The following TNS3 variants were observed in gnomAD, a reference collection of about 807,000 sequenced individuals.
TNS3 encodes tensin 3.
Under a neutral mutation model 140.9 loss-of-function variants are expected in TNS3, and 45 were observed. The ratio of observed to expected loss-of-function variants is 0.32; its 90% CI spans 0.25 to 0.41. TNS3 has a LOEUF of 0.41. Among genes scored for constraint, TNS3 ranks in the 10% least tolerant of loss-of-function variants. TNS3 has a pLI of 1.00. For missense variants in TNS3, 1,716 were observed against 1,906.7 expected, an observed-to-expected ratio of 0.90 and a Z score of 1.86; for synonymous variants, 815 against 788.4, an observed-to-expected ratio of 1.03 and a Z score of -0.56.
chr7:47,431,586 C>T (rs1347203108), intron 8 of TNS3, among the ~76,000 whole-genome samples: 1 of 151,920 alleles, frequency 6.6e-6, no homozygotes, highest in African/African-American at 2.4e-5. Context: ...AGTGAGACTC[C>T]GTCTCAAAAA....
chr7:47,357,640 C>T (rs1405377660), intron 17 of TNS3, among the ~76,000 whole-genome samples: 1 of 152,172 alleles, frequency 6.6e-6, no homozygotes, highest in African/African-American at 2.4e-5. Context: ...CATATCAAGA[C>T]CAACCCAGGG....
rs761613624 is a variant in TNS3, at chr7:47,346,242, C to T, written c.2396G>A (p.Gly799Asp). Residue 799 changes from glycine (G) to aspartate (D), a missense_variant, in exon 18 of 31, where the codon GGT (glycine) becomes GAT (aspartate). This residue lies in a region of TNS3 where 1,163 missense variants were observed against 1,182.1 expected (regional missense o/e 0.98). Coordinates refer to ENST00000311160, the MANE Select transcript of TNS3 (RefSeq NM_022748.12). ...PFSKCAWGKA[G>D]VDYAPNLPPF... ...CGGCAGGTTTGGGGCATAGTCCACA[C>T]CAGCCTTTCCCCATGCACATTTGGA... 19 of 1,614,090 alleles carry T rather than the reference C, an allele frequency of 1.2e-5. 1 individual carries two copies. In the South Asian group the frequency reaches 2.0e-4, roughly 17 times the overall value.
chr7:47,393,218 T>C (rs534681326), intron 16 of TNS3, among the ~76,000 whole-genome samples: 1 of 152,318 alleles, frequency 6.6e-6, no homozygotes, highest in South Asian at 2.1e-4. Context: ...TGGCGGTAAT[T>C]ATTCCTTCTT....
intron 16 of TNS3, among the ~76,000 whole-genome samples, chr7:47,371,584 C>T (rs564235612): frequency 1.3e-5 from 2 of 152,320 alleles, no homozygotes; most frequent in Non-Finnish European, 2.9e-5. Context: ...ATTGCTCTGA[C>T]CAGGGATCAG....
chr7:47,328,225 G>C (rs1211685712), intron 20 of TNS3, among the ~76,000 whole-genome samples: 1 of 152,172 alleles, frequency 6.6e-6, no homozygotes, highest in Non-Finnish European at 1.5e-5. Flanking sequence ...GGCCGAGAGA[G>C]CTCAGGCCCG....
intron 9 of TNS3, 79 bp from the exon 10 acceptor site, chr7:47,424,263 A>C: frequency 3.5e-5 from 51 of 1,453,272 alleles, no homozygotes; most frequent in Non-Finnish European, 4.6e-5. Context: ...GATGTGTCTC[A>C]TGGCTGTTCA....
chr7:47,503,921 G>A (rs1237565681), intron 3 of TNS3, among the ~76,000 whole-genome samples: 1 of 152,042 alleles, frequency 6.6e-6, no homozygotes, highest in Non-Finnish European at 1.5e-5. Context: ...TTTTATAAAG[G>A]CACTAATCTC....
At chr7:47,391,301 C>T (rs1293755438) in intron 16 of TNS3, among the ~76,000 whole-genome samples, 1 of 152,218 alleles carries the variant, frequency 6.6e-6, no homozygotes, top group African/African-American at 2.4e-5. Flanking sequence ...GTGGCAACAA[C>T]TGATGTATAT....
chr7:47,326,853 G>A (rs1423172428), intron 20 of TNS3, among the ~76,000 whole-genome samples: 1 of 152,238 alleles, frequency 6.6e-6, no homozygotes, highest in Non-Finnish European at 1.5e-5. Context: ...TACTGGGCAA[G>A]ATTTTCAGCC....
chr7:47,308,597 C>T (rs1786894395), intron 20 of TNS3, among the ~76,000 whole-genome samples: 1 of 152,086 alleles, frequency 6.6e-6, no homozygotes, highest in African/African-American at 2.4e-5. Context: ...GAACTTTATT[C>T]TGGGATGCAG....
chr7:47,331,154 G>A (rs1421960492), intron 20 of TNS3, among the ~76,000 whole-genome samples: 1 of 152,162 alleles, frequency 6.6e-6, no homozygotes, highest in Non-Finnish European at 1.5e-5. Flanking sequence ...CTACATGCAA[G>A]GCAGTTCTCG....
intron 24 of TNS3, among the ~76,000 whole-genome samples, chr7:47,294,851 G>A (rs1400565829): frequency 2.6e-5 from 4 of 152,214 alleles, no homozygotes; most frequent in Admixed American, 2.6e-4. Context: ...AATGACGCCT[G>A]GCTTCCAAAC....
chr7:47,499,970 C>CGT (rs981964398), intron 3 of TNS3, among the ~76,000 whole-genome samples: 3 of 152,138 alleles, frequency 2.0e-5, no homozygotes, highest in African/African-American at 7.2e-5. Flanking sequence ...CATGTAAGCA[C>CGT]GTGTGTGTGA....
chr7:47,444,351 G>A (rs755208983), intron 4 of TNS3, among the ~76,000 whole-genome samples: 4 of 152,204 alleles, frequency 2.6e-5, no homozygotes, highest in Non-Finnish European at 4.4e-5. Flanking sequence ...GTGGGCTGTC[G>A]CTTCAGACCC....
At chr7:47,312,406 A>C (rs1787154845) in intron 20 of TNS3, among the ~76,000 whole-genome samples, 2 of 152,162 alleles carry the variant, frequency 1.3e-5, no homozygotes, top group Admixed American at 1.3e-4. Context: ...TTTTCCATTA[A>C]AAATGTCTTT....
At chr7:47,456,661 G>A (rs576306378) in intron 4 of TNS3, among the ~76,000 whole-genome samples, 67 of 152,288 alleles carry the variant, frequency 4.4e-4, no homozygotes, top group African/African-American at 1.5e-3. Flanking sequence ...AGCTGAGGAG[G>A]TAAATGATGC....
At chr7:47,520,596 C>T (rs371682158) in intron 2 of TNS3, among the ~76,000 whole-genome samples, 104 of 152,284 alleles carry the variant, frequency 6.8e-4, no homozygotes, top group Non-Finnish European at 1.1e-3. Context: ...ACAAAATCCA[C>T]GAGTAAAGTC....
chr7:47,533,331 C>G (rs1799483121), intron 1 of TNS3, among the ~76,000 whole-genome samples: 1 of 150,436 alleles, frequency 6.6e-6, no homozygotes, highest in East Asian at 1.9e-4. Context: ...AGGGTTTCAC[C>G]ATGTTGGTCA....
At chr7:47,360,087 T>C (rs923871217) in intron 17 of TNS3, among the ~76,000 whole-genome samples, 1 of 152,168 alleles carries the variant, frequency 6.6e-6, no homozygotes, top group Non-Finnish European at 1.5e-5. Context: ...TCAAAGTTGG[T>C]TTTATGCAAT....
Sources: allele counts gnomAD v4.1 joint callset (sites outside exome capture counted in the v4.1 genomes callset), GRCh38; gene constraint gnomAD v4.1.1; regional missense constraint gnomAD v4.1.1; transcripts MANE v1.5; gene names NCBI Gene and HGNC (gene_info 2026-07-23, HGNC 2026-07-21).